SLC39A14: variants seen among roughly 807,000 people sequenced by gnomAD.
The protein encoded by SLC39A14 is solute carrier family 39 member 14, also known as metal cation symporter ZIP14.
In SLC39A14, 19 loss-of-function variants were observed where a neutral mutation model predicts 45.5. The ratio of observed to expected loss-of-function variants is 0.42; its 90% CI spans 0.29 to 0.61. SLC39A14 has a LOEUF of 0.61. Among genes scored for constraint, SLC39A14 ranks in the 20% least tolerant of loss-of-function variants. The pLI, the probability that SLC39A14 is intolerant of heterozygous loss-of-function variation, is 0.22. For missense variants in SLC39A14, 447 were observed against 616.5 expected, an observed-to-expected ratio of 0.73 and a Z score of 2.91; for synonymous variants, 264 against 251.3, an observed-to-expected ratio of 1.05 and a Z score of -0.48.
chr8:22,381,362 C>T (rs1015555100), intron 1 of SLC39A14, among the ~76,000 whole-genome samples: 1 of 152,062 alleles, frequency 6.6e-6, no homozygotes, highest in African/African-American at 2.4e-5. Context: ...GCTCCGCCTC[C>T]CGGGTTCACG....
At chr8:22,369,770 T>C (rs1337793038) in intron 1 of SLC39A14, among the ~76,000 whole-genome samples, 2 of 152,226 alleles carry the variant, frequency 1.3e-5, no homozygotes, top group East Asian at 3.8e-4. Flanking sequence ...TGATTTTGCC[T>C]GGAACATAGT....
intron 1 of SLC39A14, among the ~76,000 whole-genome samples, chr8:22,387,993 G>C (rs1351370964): frequency 6.6e-6 from 1 of 152,214 alleles, no homozygotes; most frequent in Non-Finnish European, 1.5e-5. Flanking sequence ...CTGGAGGCAG[G>C]GGTGAGGATG....
In SLC39A14 at chr8:22,422,695, TGA is replaced by T; in HGVS notation, c.*2998_*2999del. 1.0e-6 allele frequency: 1 copy of T among 985,250 alleles called. No homozygotes were observed. The highest frequency in any genetic ancestry group is 4.7e-5 in the South Asian group (1 of 21,284). 61.0% of individuals were successfully genotyped at this position (985,250 alleles called of 1,614,324 possible). ...CTGTAATTGTTGAGAATCCCACGGG[TGA>T]TCATTTGCAATAAATGTGGATGTAA... On this transcript the variant is annotated 3_prime_UTR_variant, in exon 9 of 9. Transcript: ENST00000381237.
intron 2 of SLC39A14, 39 bp from the exon 3 acceptor site, chr8:22,408,271 T>G: frequency 3.2e-6 from 5 of 1,583,014 alleles, no homozygotes; most frequent in Non-Finnish European, 4.3e-6. Context: ...GGCCTGACCT[T>G]TGGGGTCTAA....
intron 8 of SLC39A14, among the ~76,000 whole-genome samples, chr8:22,419,350 A>G (rs910559088): frequency 6.6e-6 from 1 of 152,000 alleles, no homozygotes; most frequent in Admixed American, 6.6e-5. Context: ...CGCCCAGCTA[A>G]TTTTTATGTT....
chr8:22,431,789 C>T (rs1204070605), intron 8 of SLC39A14, among the ~76,000 whole-genome samples: 1 of 152,152 alleles, frequency 6.6e-6, no homozygotes, highest in African/African-American at 2.4e-5. Flanking sequence ...AGAGATCCAC[C>T]AGCTGAATGA....
At chr8:22,416,813 C>T (rs746016017) in intron 7 of SLC39A14, among the ~76,000 whole-genome samples, 112 of 152,044 alleles carry the variant, frequency 7.4e-4, no homozygotes, top group Non-Finnish European at 1.3e-3. Flanking sequence ...CCTTTTAGCC[C>T]CATATGCAGT....
intron 8 of SLC39A14, among the ~76,000 whole-genome samples, chr8:22,432,948 C>T (rs113810573): frequency 4.6e-5 from 7 of 150,854 alleles, no homozygotes; most frequent in Admixed American, 3.3e-4. Flanking sequence ...CCATCGTGCT[C>T]GGCCACCTGG....
intron 4 of SLC39A14, among the ~76,000 whole-genome samples, chr8:22,413,844 G>T (rs1055038380): frequency 6.6e-6 from 1 of 152,030 alleles, no homozygotes; most frequent in African/African-American, 2.4e-5. Flanking sequence ...GTGCCATCTC[G>T]GCTCACTGCA....
chr8:22,371,519 T>C lies in SLC39A14; in HGVS notation c.-16+4111T>C, dbSNP rs1832936251. On this transcript the variant is annotated intron_variant, in intron 1 of 8. Coordinates refer to ENST00000381237, the MANE Select transcript of SLC39A14 (RefSeq NM_001128431.4). ...TGCGATCTCGGCTCACTGCAACCTC[T>C]GCCTCCTGGGTTCAAGCAATTCTCT... Among the ~76,000 whole-genome samples, 3 of 146,656 alleles carry C rather than the reference T, an allele frequency of 2.0e-5. No individual in the cohort carries two copies. In the Admixed American group the frequency reaches 2.1e-4, roughly 10 times the overall value.
chr8:22,392,939 CG>C (rs1188100492), intron 1 of SLC39A14: 1 of 152,300 alleles, frequency 6.6e-6, no homozygotes, highest in Non-Finnish European at 1.5e-5. Context: ...CTCCCACAGG[CG>C]CTGGCACACA....
chr8:22,393,651 G>GT (rs1034770790), intron 1 of SLC39A14, among the ~76,000 whole-genome samples: 15 of 151,898 alleles, frequency 9.9e-5, no homozygotes, highest in Non-Finnish European at 2.1e-4. Context: ...AGCCAAATGT[G>GT]TTTTTTTTAA....
In SLC39A14 at chr8:22,411,806, T is replaced by A. The variant is rs1342275393; in HGVS notation, c.458-231T>A. The stretch of plus-strand genomic sequence containing the variant: ...GAATTCCTCTTTCTTCTGAACTGAT[T>A]GAAGGAAATTTCATCAGATGTGAAT... On this transcript the variant is annotated intron_variant, in intron 3 of 8. Transcript: ENST00000381237. 9 of 523,600 alleles carry A rather than the reference T, an allele frequency of 1.7e-5. No individual in the cohort carries two copies. The East Asian group carries it at 2.6e-4, about 15-fold the overall frequency. 32.4% of individuals were successfully genotyped at this position (523,600 alleles called of 1,614,324 possible).
At chr8:22,376,856 C>T (rs1025635138) in intron 1 of SLC39A14, among the ~76,000 whole-genome samples, 1 of 151,860 alleles carries the variant, frequency 6.6e-6, no homozygotes, top group Non-Finnish European at 1.5e-5. Context: ...CCAGCCTGGG[C>T]AACAGAGTGA....
At position 22,420,745 on chromosome 8, in the gene SLC39A14, C is replaced by T. The variant is rs1405119037; in HGVS notation, c.*1047C>T. ...AGTGCAGGCAAAATTTAGGATTTGCCGCTTCCATAAATCAAAGCATGACTA... is the reference window on the plus strand; with the variant it reads ...AGTGCAGGCAAAATTTAGGATTTGCTGCTTCCATAAATCAAAGCATGACTA... On this transcript the variant is annotated 3_prime_UTR_variant, in exon 9 of 9. Coordinates refer to ENST00000381237, the MANE Select transcript of SLC39A14 (RefSeq NM_001128431.4). 1.5e-5 allele frequency: 15 copies of T among 985,160 alleles called. No individual in the cohort carries two copies. The highest frequency in any genetic ancestry group is 6.2e-5 in the Admixed American group (1 of 16,244). 61.0% of individuals were successfully genotyped at this position (985,160 alleles called of 1,614,324 possible). A position where few individuals can be genotyped will look rare whatever the true frequency, so the allele number is the denominator to read the frequency against.
At chr8:22,430,467 G>A (rs1836449850) in intron 8 of SLC39A14, among the ~76,000 whole-genome samples, 1 of 152,176 alleles carries the variant, frequency 6.6e-6, no homozygotes, top group African/African-American at 2.4e-5. Flanking sequence ...GGAGGAAGTT[G>A]ACAGGATACA....
chr8:22,405,962 C>T (rs528361238), intron 2 of SLC39A14, among the ~76,000 whole-genome samples: 20 of 152,310 alleles, frequency 1.3e-4, no homozygotes, highest in South Asian at 2.1e-4. Flanking sequence ...TTGACTGTCA[C>T]GATGGGGAGT....
chr8:22,424,932 C>T (rs944681877), downstream of SLC39A14, among the ~76,000 whole-genome samples: 20 of 145,632 alleles, frequency 1.4e-4, no homozygotes, highest in East Asian at 1.0e-3. Context: ...AAGAGGCTGA[C>T]GCAGGAGAAT....
chr8:22,423,768 A>G (rs1002192073), downstream of SLC39A14, among the ~76,000 whole-genome samples: 1 of 88,710 alleles, frequency 1.1e-5, no homozygotes, highest in African/African-American at 3.5e-5. Flanking sequence ...CGCCTGGCCT[A>G]TACTCACTTT....
Sources: gnomAD v4.1 joint callset for allele counts (sites outside exome capture counted in the v4.1 genomes callset) on GRCh38, gnomAD v4.1.1 for gene constraint, MANE v1.5 for transcripts, NCBI Gene and HGNC (gene_info 2026-07-23, HGNC 2026-07-21) for gene names.